FAM118A: variants seen among roughly 807,000 people sequenced by gnomAD.
FAM118A encodes the protein protein FAM118A.
In FAM118A, 25 loss-of-function variants were observed where a neutral mutation model predicts 38.2. The ratio of observed to expected loss-of-function variants is 0.65; its 90% confidence interval spans 0.48 to 0.91. FAM118A has a LOEUF of 0.91. FAM118A is among the 40% of genes least tolerant of loss of function. The probability of loss-of-function intolerance (pLI) is 0.00; values close to 1 mark genes in which losing one functional copy is unlikely to be tolerated. For synonymous variants in FAM118A, 178 were observed against 184.1 expected, an observed-to-expected ratio of 0.97 and a Z score of 0.27; for missense variants, 425 against 463.3, an observed-to-expected ratio of 0.92 and a Z score of 0.76.
intron 6 of FAM118A, among the ~76,000 whole-genome samples, chr22:45,334,744 A>G (rs2085966534): frequency 6.6e-6 from 1 of 152,214 alleles, no homozygotes; most frequent in Admixed American, 6.5e-5. Context: ...CTGCAGAGCA[A>G]AATACACCAT....
Position 45,340,605 on chromosome 22 carries a change from G to A in FAM118A, c.*200G>A. ...GTGTTGAACTATGCAGGAGGGTGAC[G>A]CGGACACATTTCAGGTGGACTTTGC... is the stretch of plus-strand genomic sequence containing the variant. On this transcript the variant is annotated 3_prime_UTR_variant, in exon 9 of 9. Transcript: ENST00000441876. 1.6e-6 allele frequency: 1 copy of A among 608,040 alleles called. No homozygotes were observed. The highest frequency in any genetic ancestry group is 2.9e-6 in the Non-Finnish European group (1 of 341,646). The allele number at this position is 608,040 out of a possible 1,614,324, so 37.7% of individuals were successfully genotyped here. A position where few individuals can be genotyped will look rare whatever the true frequency, so the allele number is the denominator to read the frequency against.
At chr22:45,310,386 T>C (rs1194507503) in intron 1 of FAM118A, among the ~76,000 whole-genome samples, 2 of 150,282 alleles carry the variant, frequency 1.3e-5, no homozygotes, top group African/African-American at 4.9e-5. Flanking sequence ...TTCTCTGGAC[T>C]CCGAGACCCC....
intron 3 of FAM118A, among the ~76,000 whole-genome samples, chr22:45,325,361 A>G (rs529002794): frequency 9.9e-5 from 15 of 152,194 alleles, no homozygotes; most frequent in Non-Finnish European, 1.5e-4. Context: ...GGGGAAGCTG[A>G]GAGTTGGTTG....
chr22:45,324,374 CGT>C (rs2085102744), intron 3 of FAM118A, among the ~76,000 whole-genome samples: 2 of 152,028 alleles, frequency 1.3e-5, no homozygotes, highest in African/African-American at 4.8e-5. Context: ...AAATGATGTG[CGT>C]GCGCGGGGAG....
At chr22:45,309,780 G>A (rs1379250968), upstream of FAM118A, 1 of 151,764 alleles carries the variant, frequency 6.6e-6, no homozygotes, top group African/African-American at 2.4e-5. Flanking sequence ...TGGTCACCGA[G>A]GTGGGCGGTG....
chr22:45,325,851 G>T (rs1354370769), intron 3 of FAM118A, among the ~76,000 whole-genome samples: 4 of 152,140 alleles, frequency 2.6e-5, no homozygotes, highest in Non-Finnish European at 5.9e-5. Flanking sequence ...GAGTGCAGGG[G>T]AGCCCCCAGG....
intron 1 of FAM118A, among the ~76,000 whole-genome samples, chr22:45,310,685 A>AAGG (rs1170772915): frequency 6.6e-6 from 1 of 152,048 alleles, no homozygotes; most frequent in African/African-American, 2.4e-5. Flanking sequence ...GTGATAACTT[A>AAGG]AGACGGTAAC....
intron 1 of FAM118A, chr22:45,318,956 G>A (rs2084730300): frequency 6.6e-6 from 1 of 152,210 alleles, no homozygotes. Flanking sequence ...GCTGTGGCCT[G>A]TTACGTAAGT....
intron 6 of FAM118A, among the ~76,000 whole-genome samples, chr22:45,333,492 G>A (rs1569152498): frequency 6.6e-6 from 1 of 152,034 alleles, no homozygotes; most frequent in Non-Finnish European, 1.5e-5. Flanking sequence ...GGCTAACACG[G>A]TGAAACCCCG....
chr22:45,322,406 T>G lies in FAM118A; in HGVS notation c.27T>G (p.Asn9Lys). The change falls in exon 2 of 9, where the codon AAT (asparagine) becomes AAG (lysine). Residue 9 changes from asparagine (N) to lysine (K), a missense_variant. Asn to Lys is a moderately conservative substitution (Grantham distance 94). Transcript: ENST00000441876. MDSVEKTT[N>K]RSEQKSRKFL... ...TGGATTCAGTGGAAAAGACAACAAA[T>G]AGAAGTGAACAAAAATCCAGGTAAT... The G allele has an allele frequency of 6.2e-7, 1 of 1,610,816 alleles. No homozygotes were observed. Among genetic ancestry groups the G allele is most frequent in the South Asian group, 1.1e-5 (1 of 89,912 alleles).
chr22:45,329,852 T>C (rs1339326882), intron 4 of FAM118A: 1 of 152,232 alleles, frequency 6.6e-6, no homozygotes, highest in Non-Finnish European at 1.5e-5. Context: ...GGGCTGTTGG[T>C]GTTTGTGTCC....
intron 3 of FAM118A, among the ~76,000 whole-genome samples, chr22:45,326,331 A>G (rs1461147177): frequency 6.6e-6 from 1 of 152,108 alleles, no homozygotes; most frequent in African/African-American, 2.4e-5. Context: ...CACCGGTGAA[A>G]CACTGAGGCT....
intron 6 of FAM118A, among the ~76,000 whole-genome samples, chr22:45,334,670 T>G (rs180721437): frequency 6.6e-6 from 1 of 152,332 alleles, no homozygotes; most frequent in African/African-American, 2.4e-5. Flanking sequence ...CGAGATGAGC[T>G]GAGCTGGCAC....
intron 1 of FAM118A, among the ~76,000 whole-genome samples, chr22:45,316,850 C>G (rs559338722): frequency 6.6e-6 from 1 of 152,108 alleles, no homozygotes; most frequent in Non-Finnish European, 1.5e-5. Flanking sequence ...TTTGCAAATT[C>G]TGGGGTCATT....
rs1427514109 is a variant in FAM118A at position 45,335,463 on chromosome 22, AAC to A, written c.970+82_970+83del. The A allele has an allele frequency of 2.6e-6, 4 of 1,521,472 alleles. No homozygotes were observed. In the African/African-American group the frequency reaches 5.5e-5, roughly 21 times the overall value. 94.2% of individuals were successfully genotyped at this position (1,521,472 alleles called of 1,614,324 possible). A position where few individuals can be genotyped will look rare whatever the true frequency, so the allele number is the denominator to read the frequency against. ...TTCTGTCACTAACTGTAAAATCATA[AAC>A]GTTTGTTTTTCACCTTAAATAATTA... On this transcript the variant is annotated intron_variant, in intron 7 of 8. Transcript: ENST00000441876.
chr22:45,323,204 A>T lies in FAM118A; in HGVS notation c.77A>T (p.Gln26Leu). ...RKFLKSLIRK[Q>L]PQELLLVIGT... is the part of the protein sequence containing the mutation. ...TTTTTAAAAAGCCTCATCCGGAAACAGCCCCAGGAACTGCTCCTGGTTATC... is the reference window on the plus strand; with the variant it reads ...TTTTTAAAAAGCCTCATCCGGAAACTGCCCCAGGAACTGCTCCTGGTTATC... Residue 26 changes from glutamine to leucine, a missense_variant, in exon 3 of 9, where the codon CAG becomes CTG. Transcript: ENST00000441876. The T allele has an allele frequency of 6.2e-7, 1 of 1,612,428 alleles. No homozygotes were observed. Among genetic ancestry groups the T allele is most frequent in the Non-Finnish European group, 8.5e-7 (1 of 1,178,444 alleles).
Position 45,323,360 on chromosome 22 carries a change from G to A in FAM118A, c.233G>A (p.Arg78Gln), listed in dbSNP as rs774786345. Reference sequence around the variant, plus strand: ...CACCCCGGAGACGTCGCCGAGTTCCGGAGGAAAGTGACAAAGGACCGGGAC... The same window carrying A: ...CACCCCGGAGACGTCGCCGAGTTCCAGAGGAAAGTGACAAAGGACCGGGAC... ...VLHPGDVAEF[R>Q]RKVTKDRDLL... The change falls in exon 3 of 9, where the codon CGG becomes CAG. Residue 78 changes from arginine to glutamine, a missense_variant. Transcript: ENST00000441876. 6.2e-6 allele frequency: 10 copies of A among 1,614,176 alleles called. No homozygotes were observed. Among genetic ancestry groups the A allele is most frequent in the African/African-American group, 1.3e-5 (1 of 75,038 alleles).
intron 3 of FAM118A, among the ~76,000 whole-genome samples, chr22:45,325,535 C>T (rs1034840916): frequency 1.3e-5 from 2 of 151,982 alleles, no homozygotes; most frequent in African/African-American, 2.4e-5. Flanking sequence ...CAGTAGCTCA[C>T]GGGCCTCAAT....
intron 8 of FAM118A, among the ~76,000 whole-genome samples, chr22:45,337,501 T>G (rs1346981322): frequency 6.6e-6 from 1 of 152,014 alleles, no homozygotes; most frequent in African/African-American, 2.4e-5. Flanking sequence ...TTTTGAGGAG[T>G]TTTTAGGTTC....
Sources: gnomAD v4.1 joint callset for allele counts (sites outside exome capture counted in the v4.1 genomes callset) on GRCh38, gnomAD v4.1.1 for gene constraint, MANE v1.5 for transcripts, NCBI Gene and HGNC (gene_info 2026-07-23, HGNC 2026-07-21) for gene names.